KCNH8: variants seen among roughly 807,000 people sequenced by gnomAD.
The protein encoded by KCNH8 is voltage-gated delayed rectifier potassium channel KCNH8.
KCNH8 carries 70 observed loss-of-function variants against 103.6 expected under a neutral mutation model. That is an observed-to-expected ratio of 0.68 (90% CI 0.56 to 0.82). The LOEUF (loss-of-function observed/expected upper bound fraction) is 0.82, where lower values mean the gene tolerates loss of function less well. Ranked by LOEUF, KCNH8 falls within the 40% of genes least tolerant of loss-of-function variation. KCNH8 has a pLI of 0.00. For synonymous variants in KCNH8, 498 were observed against 489.4 expected, an observed-to-expected ratio of 1.02 and a Z score of -0.23; for missense variants, 1,217 against 1,329.9, an observed-to-expected ratio of 0.92 and a Z score of 1.32.
chr3:19,343,322 A>G (rs1475993782), intron 4 of KCNH8, among the ~76,000 whole-genome samples: 2 of 152,118 alleles, frequency 1.3e-5, no homozygotes, highest in South Asian at 2.1e-4. Flanking sequence ...CTTACCTGTC[A>G]AAGCCACAAC....
chr3:19,493,567 C>T (rs2068372285), intron 11 of KCNH8, among the ~76,000 whole-genome samples: 2 of 152,144 alleles, frequency 1.3e-5, no homozygotes, highest in Non-Finnish European at 2.9e-5. Context: ...CCAAGCAGAA[C>T]TGTGAGTCAA....
chr3:19,345,177 T>C (rs1396496400), intron 4 of KCNH8, among the ~76,000 whole-genome samples: 1 of 152,086 alleles, frequency 6.6e-6, no homozygotes. Context: ...ATGAGAATGA[T>C]ATGATGCAAA....
chr3:19,178,699 G>A (rs543283345), intron 1 of KCNH8, among the ~76,000 whole-genome samples: 1 of 152,112 alleles, frequency 6.6e-6, no homozygotes, highest in Non-Finnish European at 1.5e-5. Flanking sequence ...CAAACATAGG[G>A]AGGCAAATTT....
chr3:19,233,151 A>G (rs1011040365), intron 1 of KCNH8, among the ~76,000 whole-genome samples: 1 of 141,826 alleles, frequency 7.1e-6, no homozygotes, highest in African/African-American at 2.6e-5. Context: ...TACTGTTGAA[A>G]ATAACTTTGA....
intron 1 of KCNH8, among the ~76,000 whole-genome samples, chr3:19,245,072 G>T (rs2064187148): frequency 6.6e-6 from 1 of 152,090 alleles, no homozygotes; most frequent in Admixed American, 6.5e-5. Flanking sequence ...GTTTTCTTCA[G>T]GATTTTTATA....
In KCNH8 at chr3:19,347,691, T is replaced by C. The variant is rs778326640; in HGVS notation, c.571-34T>C. ...GTAATCCTTGTTTCTAATGTTGTGT[T>C]TCTCCTTTCTCTCCTTTTTGTCTTC... is the stretch of plus-strand genomic sequence containing the variant. On this transcript the variant is annotated intron_variant, in intron 4 of 15. Coordinates refer to ENST00000328405, the MANE Select transcript of KCNH8 (RefSeq NM_144633.3). 3 of 1,608,342 alleles carry C rather than the reference T, an allele frequency of 1.9e-6. No individual in the cohort carries two copies. In the East Asian group the frequency reaches 6.7e-5, roughly 36 times the overall value.
intron 1 of KCNH8, among the ~76,000 whole-genome samples, chr3:19,155,872 C>T (rs1173966881): frequency 6.6e-6 from 1 of 152,144 alleles, no homozygotes; most frequent in Non-Finnish European, 1.5e-5. Flanking sequence ...AACACTCGAC[C>T]ATGAACTCCT....
intron 1 of KCNH8, among the ~76,000 whole-genome samples, chr3:19,165,864 T>C (rs2063278022): frequency 6.6e-6 from 1 of 152,170 alleles, no homozygotes; most frequent in Non-Finnish European, 1.5e-5. Context: ...TGGGCTTGGC[T>C]GAGGAAGCTC....
intron 5 of KCNH8, among the ~76,000 whole-genome samples, chr3:19,355,284 G>T (rs557117162): frequency 6.6e-6 from 1 of 152,310 alleles, no homozygotes; most frequent in East Asian, 1.9e-4. Flanking sequence ...CACTGTTGGT[G>T]GGACTGTAAA....
intron 11 of KCNH8, among the ~76,000 whole-genome samples, chr3:19,494,222 T>G (rs2068388637): frequency 6.6e-6 from 1 of 152,216 alleles, no homozygotes; most frequent in Non-Finnish European, 1.5e-5. Flanking sequence ...GTACCACATT[T>G]ACTTTATCCA....
rs563982399 is a variant in KCNH8 at position 19,486,676 on chromosome 3, A to G, written c.2041-23687A>G. ...AACGTAAGTTTTTCCTTTAACTTAC[A>G]AAAGACTAGCTCTTGTAGAGGCTCC... On this transcript the variant is annotated intron_variant, in intron 11 of 15. Transcript: ENST00000328405. 4.6e-5 allele frequency among the ~76,000 whole-genome samples: 7 copies of G among 152,338 alleles called. No homozygotes were observed. The East Asian group carries it at 1.4e-3, about 30-fold the overall frequency.
intron 7 of KCNH8, among the ~76,000 whole-genome samples, chr3:19,422,188 A>T (rs147335298): frequency 1.3e-5 from 2 of 152,084 alleles, no homozygotes; most frequent in Non-Finnish European, 2.9e-5. Flanking sequence ...ATGTCTTGCA[A>T]ATAGTCATTA....
intron 1 of KCNH8, among the ~76,000 whole-genome samples, chr3:19,213,768 G>C (rs1486114704): frequency 1.3e-5 from 2 of 152,140 alleles, no homozygotes; most frequent in Non-Finnish European, 2.9e-5. Context: ...CTCAGTAGAG[G>C]GTGCTAGAGG....
At chr3:19,226,059 A>G (rs1453944698) in intron 1 of KCNH8, among the ~76,000 whole-genome samples, 1 of 152,346 alleles carries the variant, frequency 6.6e-6, no homozygotes, top group Admixed American at 6.5e-5. Context: ...TCTTGACCAT[A>G]TGGGGCTTCC....
At chr3:19,277,316 G>T (rs952540194) in intron 2 of KCNH8, among the ~76,000 whole-genome samples, 1 of 152,088 alleles carries the variant, frequency 6.6e-6, no homozygotes, top group Non-Finnish European at 1.5e-5. Context: ...TAATTCAAGT[G>T]CTTTGAGAGG....
chr3:19,262,050 T>C (rs533242957), intron 2 of KCNH8, among the ~76,000 whole-genome samples: 1 of 152,022 alleles, frequency 6.6e-6, no homozygotes, highest in African/African-American at 2.4e-5. Context: ...CAAATGCTTC[T>C]AACCTTTTTT....
At chr3:19,415,667 C>T (rs979708716) in intron 7 of KCNH8, among the ~76,000 whole-genome samples, 1 of 151,984 alleles carries the variant, frequency 6.6e-6, no homozygotes, top group Admixed American at 6.6e-5. Context: ...TCCAAATGCT[C>T]GTGCATCTGC....
chr3:19,217,052 T>C (rs1175789815), intron 1 of KCNH8, among the ~76,000 whole-genome samples: 2 of 152,220 alleles, frequency 1.3e-5, no homozygotes, highest in Non-Finnish European at 2.9e-5. Context: ...GATAGCAAGA[T>C]GCACCTCGTG....
intron 5 of KCNH8, among the ~76,000 whole-genome samples, chr3:19,360,788 G>A (rs572104001): frequency 2.6e-5 from 4 of 151,956 alleles, no homozygotes; most frequent in African/African-American, 7.3e-5. Context: ...GGGCTGTAGC[G>A]TTAGGATACT....
Sources: allele counts gnomAD v4.1 joint callset (sites outside exome capture counted in the v4.1 genomes callset), GRCh38; gene constraint gnomAD v4.1.1; transcripts MANE v1.5; gene names NCBI Gene and HGNC (gene_info 2026-07-23, HGNC 2026-07-21).